Variants in ST18 observed in about 807,000 individuals in gnomAD.
The protein encoded by ST18 is suppression of tumorigenicity 18 protein.
In ST18, 50 loss-of-function variants were observed where a neutral mutation model predicts 110.0. The observed-to-expected ratio is 0.45, with a 90% CI of 0.36 to 0.58. The LOEUF (loss-of-function observed/expected upper bound fraction) is 0.58. ST18 is among the 20% of genes least tolerant of loss of function. The pLI is 0.00. For missense variants in ST18, 1,306 were observed against 1,280.1 expected, an observed-to-expected ratio of 1.02 and a Z score of -0.31; for synonymous variants, 461 against 452.4, an observed-to-expected ratio of 1.02 and a Z score of -0.24.
chr8:52,328,238 C>T lies in ST18; in HGVS notation c.-465+81090G>A, dbSNP rs144799310. Among the ~76,000 whole-genome samples the T allele has an allele frequency of 2.0e-3, 305 of 152,236 alleles. 2 individuals are homozygous for T. Among genetic ancestry groups the T allele is most frequent in the African/African-American group, 6.8e-3 (282 of 41,526 alleles). ...TCCTGCCTCCTAAGCTATTCAATCA[C>T]GAGCAGCCTAGAGTAATAGGACCAG... is the stretch of plus-strand genomic sequence containing the variant. On this transcript the variant is annotated intron_variant, in intron 2 of 25. Coordinates refer to ENST00000689386, the MANE Select transcript of ST18 (RefSeq NM_001352837.2).
intron 2 of ST18, among the ~76,000 whole-genome samples, chr8:52,252,721 G>T (rs1053604767): frequency 6.6e-6 from 1 of 151,806 alleles, no homozygotes; most frequent in South Asian, 2.1e-4. Flanking sequence ...AGTGATTTCC[G>T]CTAATTTGGC....
At chr8:52,371,821 G>C (rs1362297302) in intron 2 of ST18, among the ~76,000 whole-genome samples, 1 of 152,144 alleles carries the variant, frequency 6.6e-6, no homozygotes, top group Non-Finnish European at 1.5e-5. Context: ...GCCTCACGTG[G>C]GGATGCTGGA....
intron 2 of ST18, among the ~76,000 whole-genome samples, chr8:52,348,780 G>A (rs1818916459): frequency 6.6e-6 from 1 of 152,152 alleles, no homozygotes; most frequent in South Asian, 2.1e-4. Flanking sequence ...TGTACAGTAT[G>A]AAGTTGTGAA....
In ST18 at chr8:52,212,055, AAAGT is replaced by A; in HGVS notation, c.86+20_86+23del. On this transcript the variant is annotated intron_variant, in intron 8 of 25. Transcript: ENST00000689386. Reference sequence around the variant, plus strand: ...AATCAAGGCCCATTAATGTGAAAAAAAAGTAATATAGGGTAAATCTTACCTGAGC... The same window carrying A: ...AATCAAGGCCCATTAATGTGAAAAAAAATATAGGGTAAATCTTACCTGAGC... 6.2e-7 allele frequency: 1 copy of A among 1,601,628 alleles called. No homozygotes were observed. The highest frequency in any genetic ancestry group is 8.5e-7 in the Non-Finnish European group (1 of 1,176,226).
intron 2 of ST18, among the ~76,000 whole-genome samples, chr8:52,302,245 A>G (rs1330639067): frequency 6.6e-6 from 1 of 152,242 alleles, no homozygotes; most frequent in Non-Finnish European, 1.5e-5. Context: ...CCAGTATCAG[A>G]GAGGAATGCT....
At chr8:52,303,620 A>G (rs542823297) in intron 2 of ST18, among the ~76,000 whole-genome samples, 83 of 152,346 alleles carry the variant, frequency 5.4e-4, no homozygotes, top group Non-Finnish European at 9.7e-4. Context: ...ATAAGCCTCA[A>G]TGAAGAGGAG....
At chr8:52,145,971 A>G (rs1158797573) in intron 16 of ST18, among the ~76,000 whole-genome samples, 1 of 152,168 alleles carries the variant, frequency 6.6e-6, no homozygotes, top group Non-Finnish European at 1.5e-5. Flanking sequence ...TCACTGAGAG[A>G]GACAGACAAT....
intron 15 of ST18, among the ~76,000 whole-genome samples, chr8:52,152,186 T>C (rs1200549660): frequency 6.6e-6 from 1 of 152,138 alleles, no homozygotes; most frequent in Non-Finnish European, 1.5e-5. Flanking sequence ...GGGCCTTAAG[T>C]GAGCGCACAG....
intron 2 of ST18, among the ~76,000 whole-genome samples, chr8:52,276,582 T>C (rs1038539258): frequency 1.3e-5 from 2 of 152,136 alleles, no homozygotes; most frequent in Non-Finnish European, 2.9e-5. Context: ...ACTCAGTCCC[T>C]CCTAGTGCCC....
intron 22 of ST18, among the ~76,000 whole-genome samples, chr8:52,130,399 T>C (rs1288354439): frequency 6.6e-6 from 1 of 152,142 alleles, no homozygotes; most frequent in Non-Finnish European, 1.5e-5. Context: ...TAAGCAATCG[T>C]CCTGCCTCAG....
chr8:52,165,708 T>C (rs1011304106), intron 11 of ST18, among the ~76,000 whole-genome samples: 2 of 152,202 alleles, frequency 1.3e-5, no homozygotes, highest in African/African-American at 4.8e-5. Context: ...GAGAAAAGTA[T>C]GGTTGAGCGA....
At chr8:52,158,558 T>C (rs988658335) in intron 15 of ST18, among the ~76,000 whole-genome samples, 8 of 152,258 alleles carry the variant, frequency 5.3e-5, no homozygotes, top group Admixed American at 1.3e-4. Flanking sequence ...TTTATTTTAA[T>C]AGCAATCCTC....
At chr8:52,330,775 G>A (rs956083799) in intron 2 of ST18, among the ~76,000 whole-genome samples, 2 of 152,206 alleles carry the variant, frequency 1.3e-5, no homozygotes, top group Admixed American at 6.5e-5. Flanking sequence ...CTGGGCAATG[G>A]GCTAAGAACT....
At chr8:52,315,495 T>A (rs2096007849) in intron 2 of ST18, among the ~76,000 whole-genome samples, 1 of 152,248 alleles carries the variant, frequency 6.6e-6, no homozygotes, top group South Asian at 2.1e-4. Context: ...TTATCCACCT[T>A]AACCTGTTGG....
At chr8:52,368,423 T>C (rs1828991952) in intron 2 of ST18, among the ~76,000 whole-genome samples, 1 of 152,248 alleles carries the variant, frequency 6.6e-6, no homozygotes, top group Admixed American at 6.5e-5. Context: ...CTGGTGTTTC[T>C]TGTGGATCAT....
chr8:52,209,254 TA>T (rs1564076271), intron 8 of ST18, among the ~76,000 whole-genome samples: 1 of 152,216 alleles, frequency 6.6e-6, no homozygotes, highest in Non-Finnish European at 1.5e-5. Context: ...GTGTGTGAGA[TA>T]AAGACTAGTC....
intron 2 of ST18, among the ~76,000 whole-genome samples, chr8:52,334,645 G>T (rs1186872140): frequency 1.3e-5 from 2 of 152,090 alleles, no homozygotes; most frequent in Non-Finnish European, 2.9e-5. Flanking sequence ...GGGACTATGG[G>T]GCTTTTTCTG....
chr8:52,379,777 T>C (rs1833855618), intron 2 of ST18, among the ~76,000 whole-genome samples: 1 of 152,132 alleles, frequency 6.6e-6, no homozygotes, highest in Non-Finnish European at 1.5e-5. Flanking sequence ...CATTCACAGT[T>C]GAGAGAAATG....
chr8:52,376,126 C>T (rs1388267834), intron 2 of ST18, among the ~76,000 whole-genome samples: 2 of 152,180 alleles, frequency 1.3e-5, no homozygotes, highest in South Asian at 2.1e-4. Context: ...CTCACCTGCC[C>T]CCTATAACCG....
Sources: gnomAD v4.1 joint callset for allele counts (sites outside exome capture counted in the v4.1 genomes callset) on GRCh38, gnomAD v4.1.1 for gene constraint, MANE v1.5 for transcripts, NCBI Gene and HGNC (gene_info 2026-07-23, HGNC 2026-07-21) for gene names.